The following FMN1 variants were observed in gnomAD, a reference collection of about 807,000 sequenced individuals.
The protein encoded by FMN1 is formin-1.
In FMN1, 110 loss-of-function variants were observed where a neutral mutation model predicts 132.4. The ratio of observed to expected loss-of-function variants is 0.83; its 90% confidence interval spans 0.71 to 0.97. The LOEUF (loss-of-function observed/expected upper bound fraction) is 0.97, where lower values mean the gene tolerates loss of function less well. FMN1 is among the 50% of genes least tolerant of loss of function. FMN1 has a pLI of 0.00. For synonymous variants in FMN1, 722 were observed against 651.7 expected (o/e 1.11, Z -1.64); for missense variants, 1,792 against 1,705.3 (o/e 1.05, Z -0.90).
At position 33,153,269 on chromosome 15, in the gene FMN1, G is replaced by T; in HGVS notation, c.1646C>A (p.Ala549Asp). The stretch of plus-strand genomic sequence containing the variant: ...TCTACAAGGAGAGTCATTAAGAGCA[G>T]CTTCCCTCTCACCAGGCAATGCAGG... ...RLPALPGERE[A>D]ALNDSPCRKS... Residue 549 changes from alanine (A) to aspartate (D), a missense_variant, in exon 4 of 21, where the codon GCT (alanine) becomes GAT (aspartate). Ala to Asp is a moderately radical substitution (Grantham distance 126, BLOSUM62 -2). Transcript: ENST00000616417. 1 of 1,536,174 alleles carries T rather than the reference G, an allele frequency of 6.5e-7. No homozygotes were observed. Among genetic ancestry groups the T allele is most frequent in the Non-Finnish European group, 8.7e-7 (1 of 1,146,922 alleles).
At chr15:33,172,415 G>A (rs899905029) in intron 3 of FMN1, among the ~76,000 whole-genome samples, 1 of 152,134 alleles carries the variant, frequency 6.6e-6, no homozygotes. Context: ...TCTGGAGGAG[G>A]AATAGCAAGA....
chr15:32,832,676 A>G (rs1012868526), intron 17 of FMN1, among the ~76,000 whole-genome samples: 8 of 152,000 alleles, frequency 5.3e-5, no homozygotes, highest in African/African-American at 1.9e-4. Context: ...TACTTGGGAG[A>G]CTGAGGCAGG....
intron 17 of FMN1, among the ~76,000 whole-genome samples, chr15:32,852,090 T>C (rs770757950): frequency 2.0e-4 from 30 of 152,188 alleles, no homozygotes; most frequent in Non-Finnish European, 3.7e-4. Flanking sequence ...GGCTATCTCA[T>C]TCATTCCTAT....
chr15:32,907,522 G>A (rs906822965), intron 12 of FMN1, among the ~76,000 whole-genome samples: 1 of 152,010 alleles, frequency 6.6e-6, no homozygotes, highest in South Asian at 2.1e-4. Context: ...GCCATGGGCT[G>A]GTACCAGTCT....
chr15:32,816,292 A>C (rs1327451499), intron 17 of FMN1, among the ~76,000 whole-genome samples: 3 of 152,238 alleles, frequency 2.0e-5, no homozygotes, highest in Non-Finnish European at 2.9e-5. Context: ...TGCTATGACA[A>C]AATTATAAAT....
intron 9 of FMN1, among the ~76,000 whole-genome samples, chr15:32,956,620 C>A (rs1432744450): frequency 6.6e-6 from 1 of 152,108 alleles, no homozygotes; most frequent in African/African-American, 2.4e-5. Flanking sequence ...ACAATCAACA[C>A]ATGGGCAAGT....
intron 17 of FMN1, among the ~76,000 whole-genome samples, chr15:32,808,857 A>G (rs1482431358): frequency 6.6e-6 from 1 of 151,816 alleles, no homozygotes; most frequent in African/African-American, 2.4e-5. Flanking sequence ...TGCTTTCAGT[A>G]GACAAGAATT....
chr15:33,130,428 G>C (rs151145723), intron 4 of FMN1, among the ~76,000 whole-genome samples: 1 of 152,336 alleles, frequency 6.6e-6, no homozygotes, highest in Non-Finnish European at 1.5e-5. Flanking sequence ...ATTGAGACAA[G>C]TTGTGGGCTG....
At chr15:33,029,406 T>C (rs528078794) in intron 6 of FMN1, among the ~76,000 whole-genome samples, 1 of 152,140 alleles carries the variant, frequency 6.6e-6, no homozygotes, top group East Asian at 1.9e-4. Context: ...GAGAACTAGA[T>C]GTTCTGAGGG....
intron 6 of FMN1, among the ~76,000 whole-genome samples, chr15:33,018,973 G>C (rs888665631): frequency 6.6e-6 from 1 of 152,194 alleles, no homozygotes; most frequent in South Asian, 2.1e-4. Flanking sequence ...TGGGCCCAAA[G>C]GAGTGAGCAG....
chr15:32,778,951 A>G (rs1360821424), intron 19 of FMN1, among the ~76,000 whole-genome samples: 1 of 152,184 alleles, frequency 6.6e-6, no homozygotes, highest in Non-Finnish European at 1.5e-5. Flanking sequence ...TAAATGTGGT[A>G]TATCCATACA....
intron 19 of FMN1, among the ~76,000 whole-genome samples, chr15:32,795,963 G>A (rs547872043): frequency 2.6e-5 from 4 of 152,234 alleles, no homozygotes; most frequent in South Asian, 2.1e-4. Flanking sequence ...TCCTTCTGCC[G>A]AACCACAGAG....
chr15:33,185,568 ATTT>A (rs57232200), intron 2 of FMN1, among the ~76,000 whole-genome samples: 35 of 113,394 alleles, frequency 3.1e-4, no homozygotes, highest in African/African-American at 1.1e-3. Context: ...TAAAGTAAGA[ATTT>A]TTTTTTTTTT....
chr15:32,942,046 A>G (rs1434604978), intron 9 of FMN1, among the ~76,000 whole-genome samples: 1 of 152,166 alleles, frequency 6.6e-6, no homozygotes, highest in African/African-American at 2.4e-5. Context: ...AGGTTGCGTT[A>G]AACCCTATTA....
intron 17 of FMN1, among the ~76,000 whole-genome samples, chr15:32,824,944 A>G (rs980175667): frequency 3.3e-5 from 5 of 152,192 alleles, no homozygotes; most frequent in East Asian, 1.9e-4. Context: ...ACCATAACAC[A>G]AATTTGTTCC....
rs758646607 is a variant in FMN1 at position 32,969,472 on chromosome 15, C to T, written c.2229G>A (p.Gln743=). The T allele has an allele frequency of 4.3e-6, 7 of 1,613,422 alleles. No homozygotes were observed. The highest frequency in any genetic ancestry group is 1.6e-4 in the Middle Eastern group (1 of 6,082). Reference sequence around the variant, plus strand: ...GGATATGAAATGCCCGAAGTTCAAACTGTGCCTATAGGAAAATTCAGAGGG... The same window carrying T: ...GGATATGAAATGCCCGAAGTTCAAATTGTGCCTATAGGAAAATTCAGAGGG... The part of the protein sequence containing the change: ...HKEEIENLQA[Q]FELRAFHIRG... The change falls in exon 8 of 21, where the codon CAG becomes CAA. Residue 743 remains glutamine (Q), a synonymous_variant. Transcript: ENST00000616417.
At chr15:33,097,527 T>C (rs2039134765) in intron 4 of FMN1, among the ~76,000 whole-genome samples, 1 of 152,090 alleles carries the variant, frequency 6.6e-6, no homozygotes, top group Non-Finnish European at 1.5e-5. Flanking sequence ...GAAAAAATAT[T>C]ATGTATAGAA....
At position 32,910,528 on chromosome 15, in the gene FMN1, GA is replaced by G; in HGVS notation, c.3233del (p.Phe1078SerfsTer29). 1 of 1,570,116 alleles carries G rather than the reference GA, an allele frequency of 6.4e-7. No homozygotes were observed. The highest frequency in any genetic ancestry group is 1.9e-5 in the Admixed American group (1 of 53,462). On this transcript the variant is annotated frameshift_variant, in exon 11 of 21. Coordinates refer to ENST00000616417, the MANE Select transcript of FMN1 (RefSeq NM_001277313.2). LOFTEE classifies it high-confidence loss of function. ...LEMKDIQQAI[F>X]NVDDSVVDLE... is the part of the protein sequence containing the mutation. ...GATCAACCACGGAGTCATCCACATT[GA>G]AAATGGCTGCCAAGCACCCAAAAAG...
chr15:32,888,756 C>T (rs1222781517), intron 15 of FMN1, among the ~76,000 whole-genome samples: 1 of 152,126 alleles, frequency 6.6e-6, no homozygotes, highest in Non-Finnish European at 1.5e-5. Flanking sequence ...TACAATCACC[C>T]TCCCATCACC....
Sources: gnomAD v4.1 joint callset for allele counts (sites outside exome capture counted in the v4.1 genomes callset) on GRCh38, gnomAD v4.1.1 for gene constraint, MANE v1.5 for transcripts, NCBI Gene and HGNC (gene_info 2026-07-23, HGNC 2026-07-21) for gene names.